The following KLRG1 variants were observed in gnomAD, a reference collection of about 807,000 sequenced individuals.
KLRG1 encodes killer cell lectin-like receptor subfamily G member 1.
KLRG1 carries 16 observed loss-of-function variants against 21.8 expected under a neutral mutation model. The ratio of observed to expected loss-of-function variants is 0.73; its 90% CI spans 0.50 to 1.11. KLRG1 has a LOEUF of 1.11. Among genes scored for constraint, KLRG1 ranks in the 50% most tolerant of loss-of-function variants. The probability of loss-of-function intolerance (pLI) is 0.00; values close to 1 mark genes in which losing one functional copy is unlikely to be tolerated. For synonymous variants in KLRG1, 69 were observed against 75.9 expected (o/e 0.91, Z 0.47); for missense variants, 173 against 218.3 (o/e 0.79, Z 1.31).
chr12:9,122,465 T>C, the KLRG1 span, among the ~76,000 whole-genome samples: 14 of 152,330 alleles, frequency 9.2e-5, no homozygotes, highest in African/African-American at 3.4e-4. Flanking sequence ...TAAAGTTGTT[T>C]GCCAACTTTA....
downstream of KLRG1, among the ~76,000 whole-genome samples, chr12:9,012,131 C>T (rs1474638148): frequency 1.3e-5 from 2 of 152,206 alleles, no homozygotes; most frequent in Non-Finnish European, 2.9e-5. Context: ...CCTAGTGAAA[C>T]ACCAGCTGGG....
chr12:9,201,412 G>C, the KLRG1 span: 2 of 1,279,318 alleles, frequency 1.6e-6, no homozygotes, highest in African/African-American at 3.0e-5. Context: ...TTTCAGACTT[G>C]TGATCAAACA....
the KLRG1 span, among the ~76,000 whole-genome samples, chr12:9,142,523 T>A: frequency 1.3e-5 from 2 of 152,242 alleles, no homozygotes; most frequent in East Asian, 3.8e-4. Context: ...TCACGTGAAC[T>A]GAAAGGTCCC....
the KLRG1 span, among the ~76,000 whole-genome samples, chr12:9,185,012 A>G: frequency 2.0e-5 from 3 of 152,204 alleles, no homozygotes; most frequent in Admixed American, 2.0e-4. Context: ...CAACTCAAAG[A>G]GCCAGAGCAT....
At chr12:9,073,503 C>T in the KLRG1 span, among the ~76,000 whole-genome samples, 1 of 152,146 alleles carries the variant, frequency 6.6e-6, no homozygotes, top group Non-Finnish European at 1.5e-5. Context: ...TGGCCTCCTT[C>T]AAATAATATG....
chr12:9,212,276 T>C, the KLRG1 span, among the ~76,000 whole-genome samples: 1 of 152,196 alleles, frequency 6.6e-6, no homozygotes, highest in South Asian at 2.1e-4. Context: ...CTGGAGCCAG[T>C]ATACAGTGCT....
chr12:8,954,441 A>G (rs1186538602), intron 1 of KLRG1, among the ~76,000 whole-genome samples: 1 of 152,012 alleles, frequency 6.6e-6, no homozygotes, highest in East Asian at 1.9e-4. Flanking sequence ...AAATAACTAC[A>G]TGAGATGATG....
chr12:9,025,803 G>C, the KLRG1 span, among the ~76,000 whole-genome samples: 6 of 152,264 alleles, frequency 3.9e-5, no homozygotes, highest in African/African-American at 1.4e-4. Flanking sequence ...GATTCTGATG[G>C]GTTTATTACA....
chr12:9,213,632 T>C, the KLRG1 span, among the ~76,000 whole-genome samples: 2 of 152,134 alleles, frequency 1.3e-5, no homozygotes, highest in Admixed American at 1.3e-4. Flanking sequence ...TGTATCATCT[T>C]TAGAGGAATG....
chr12:8,979,438 A>G (rs1216139695), intron 1 of KLRG1, among the ~76,000 whole-genome samples: 1 of 152,186 alleles, frequency 6.6e-6, no homozygotes. Flanking sequence ...CTGCTGAGAA[A>G]TCTACTGATA....
chr12:9,202,285 C>G, the KLRG1 span: 1 of 1,578,966 alleles, frequency 6.3e-7, no homozygotes, highest in Non-Finnish European at 8.7e-7. Context: ...TCCCACTCTA[C>G]CCACAACCCA....
At chr12:9,176,942 T>G in the KLRG1 span, among the ~76,000 whole-genome samples, 1 of 152,334 alleles carries the variant, frequency 6.6e-6, no homozygotes, top group East Asian at 1.9e-4. Flanking sequence ...TTAAATGATA[T>G]TTAGCCTTTG....
the KLRG1 span, among the ~76,000 whole-genome samples, chr12:9,190,082 G>T: frequency 6.6e-5 from 10 of 152,080 alleles, no homozygotes; most frequent in Non-Finnish European, 1.3e-4. Flanking sequence ...AAAGCAGTGT[G>T]GCGATTCCTC....
chr12:8,985,274 A>G (rs1016129495), upstream of KLRG1, among the ~76,000 whole-genome samples: 2 of 151,262 alleles, frequency 1.3e-5, no homozygotes, highest in Non-Finnish European at 2.9e-5. Context: ...TTGCATGTTT[A>G]CATTGGATGT....
intron 1 of KLRG1, among the ~76,000 whole-genome samples, chr12:8,956,363 A>G (rs1295468820): frequency 6.6e-6 from 1 of 152,322 alleles, no homozygotes; most frequent in East Asian, 1.9e-4. Context: ...TGTAACACAA[A>G]CGAGCTGAGA....
At chr12:9,018,978 A>G in the KLRG1 span, among the ~76,000 whole-genome samples, 1 of 152,354 alleles carries the variant, frequency 6.6e-6, no homozygotes, top group East Asian at 1.9e-4. Flanking sequence ...AACAAAGTGA[A>G]GAGATAACCT....
At chr12:9,028,709 T>A in the KLRG1 span, 1 of 484,786 alleles carries the variant, frequency 2.1e-6, no homozygotes, top group Non-Finnish European at 4.0e-6. Context: ...CCCAAAGTGC[T>A]GGGATTACAG....
At chr12:8,963,315 T>G in intron 1 of KLRG1, among the ~76,000 whole-genome samples, 1 of 152,112 alleles carries the variant, frequency 6.6e-6, no homozygotes, top group East Asian at 1.9e-4. Flanking sequence ...AAGGGAAAAG[T>G]TAGTTTTATA....
At chr12:9,074,789 AG>A in the KLRG1 span, 1 of 1,602,036 alleles carries the variant, frequency 6.2e-7, no homozygotes, top group Non-Finnish European at 8.5e-7. Context: ...GTTGTCTTAA[AG>A]ATGAGAAAAA....
Sources: gnomAD v4.1 joint callset for allele counts (sites outside exome capture counted in the v4.1 genomes callset) on GRCh38, gnomAD v4.1.1 for gene constraint, MANE v1.5 for transcripts, NCBI Gene and HGNC (gene_info 2026-07-23, HGNC 2026-07-21) for gene names.